DNAJC1: variants seen among roughly 807,000 people sequenced by gnomAD.
DNAJC1 encodes the protein dnaJ homolog subfamily C member 1.
Under a neutral mutation model 76.6 loss-of-function variants are expected in DNAJC1, and 58 were observed. The observed-to-expected ratio is 0.76, with a 90% CI of 0.61 to 0.94. The LOEUF is 0.94. DNAJC1 is among the 40% of genes least tolerant of loss of function. The pLI is 0.00. For missense variants in DNAJC1, 689 were observed against 677.3 expected (o/e 1.02, Z -0.19); for synonymous variants, 258 against 267.9 (o/e 0.96, Z 0.36).
At chr10:21,919,135 A>G (rs1457549041) in intron 5 of DNAJC1, among the ~76,000 whole-genome samples, 1 of 152,046 alleles carries the variant, frequency 6.6e-6, no homozygotes, top group African/African-American at 2.4e-5. Context: ...ATCAAGTTAC[A>G]AAGATAAACA....
chr10:21,876,696 C>A (rs979169994), intron 8 of DNAJC1, among the ~76,000 whole-genome samples: 6 of 152,042 alleles, frequency 3.9e-5, no homozygotes, highest in Non-Finnish European at 5.9e-5. Context: ...CAAGGATGAA[C>A]AAGTAGATAA....
At chr10:21,977,519 A>G (rs1254604582) in intron 1 of DNAJC1, among the ~76,000 whole-genome samples, 1 of 152,190 alleles carries the variant, frequency 6.6e-6, no homozygotes, top group African/African-American at 2.4e-5. Context: ...GTGTGGCTTA[A>G]AGAAGTACAG....
chr10:21,796,128 C>A lies in DNAJC1; in HGVS notation c.1098+9852G>T, dbSNP rs7908881. Among the ~76,000 whole-genome samples, 1,328 of 152,022 alleles carry A rather than the reference C, an allele frequency of 8.7e-3. 24 individuals carry two copies. Among genetic ancestry groups the A allele is most frequent in the African/African-American group, 0.03 (1,235 of 41,440 alleles). On this transcript the variant is annotated intron_variant, in intron 9 of 11. Transcript: ENST00000376980. ...AGGATTACAGGCATGCACCACCATA[C>A]CCAGCTAATTTTTGTATTTTTAGTA...
chr10:21,891,600 A>G (rs1310805946), intron 7 of DNAJC1, among the ~76,000 whole-genome samples: 1 of 152,174 alleles, frequency 6.6e-6, no homozygotes, highest in Non-Finnish European at 1.5e-5. Flanking sequence ...TAGAAGTACA[A>G]TTCAAATGAC....
At chr10:21,926,115 C>T (rs1342007086) in intron 3 of DNAJC1, among the ~76,000 whole-genome samples, 1 of 152,182 alleles carries the variant, frequency 6.6e-6, no homozygotes, top group Non-Finnish European at 1.5e-5. Flanking sequence ...CCACGCCAGG[C>T]TAACTTTTGT....
chr10:21,779,794 T>C (rs1182516890), intron 9 of DNAJC1, among the ~76,000 whole-genome samples: 1 of 151,972 alleles, frequency 6.6e-6, no homozygotes, highest in Non-Finnish European at 1.5e-5. Flanking sequence ...ATCAAACTTC[T>C]CCAAGCTAAA....
intron 8 of DNAJC1, among the ~76,000 whole-genome samples, chr10:21,875,644 A>T (rs923582232): frequency 3.3e-5 from 5 of 152,142 alleles, no homozygotes; most frequent in Non-Finnish European, 5.9e-5. Context: ...TTAAAAAATA[A>T]GCTAGGCGTG....
chr10:21,799,719 T>G (rs994413633), intron 9 of DNAJC1, among the ~76,000 whole-genome samples: 8 of 152,192 alleles, frequency 5.3e-5, no homozygotes, highest in Non-Finnish European at 1.0e-4. Context: ...TTAGTTCTCC[T>G]GATTCACCAT....
intron 9 of DNAJC1, among the ~76,000 whole-genome samples, chr10:21,794,266 CAAAAAAA>C (rs542182948): frequency 1.1e-4 from 6 of 53,578 alleles, no homozygotes; most frequent in Admixed American, 9.7e-4. Context: ...TTCCTATCTT[CAAAAAAA>C]AAAAAAAAAA....
intron 6 of DNAJC1, among the ~76,000 whole-genome samples, chr10:21,915,867 G>A (rs558853362): frequency 2.0e-5 from 3 of 151,236 alleles, no homozygotes; most frequent in African/African-American, 7.3e-5. Context: ...AAAAAGTCTG[G>A]CTTGGAGGTG....
At chr10:21,965,447 G>A (rs1473851861) in intron 1 of DNAJC1, among the ~76,000 whole-genome samples, 1 of 152,148 alleles carries the variant, frequency 6.6e-6, no homozygotes, top group East Asian at 1.9e-4. Context: ...TCTAACCAGA[G>A]TGACTCCATT....
chr10:21,943,012 C>G (rs940184701), intron 1 of DNAJC1, among the ~76,000 whole-genome samples: 3 of 151,672 alleles, frequency 2.0e-5, no homozygotes, highest in African/African-American at 7.3e-5. Flanking sequence ...TTAAACACCT[C>G]AGCAACTGAC....
chr10:21,965,866 G>A (rs1388418348), intron 1 of DNAJC1, among the ~76,000 whole-genome samples: 1 of 152,060 alleles, frequency 6.6e-6, no homozygotes, highest in East Asian at 1.9e-4. Flanking sequence ...CTGCAGACTC[G>A]CCCTGAATTC....
chr10:21,817,955 G>A (rs1012617225), intron 8 of DNAJC1, among the ~76,000 whole-genome samples: 5 of 152,056 alleles, frequency 3.3e-5, no homozygotes, highest in South Asian at 2.1e-4. Context: ...TGATGATTGC[G>A]TTAACTGCAC....
At chr10:21,999,894 C>G (rs1475092837) in intron 1 of DNAJC1, among the ~76,000 whole-genome samples, 1 of 152,158 alleles carries the variant, frequency 6.6e-6, no homozygotes, top group Admixed American at 6.5e-5. Context: ...TCCCAAATTC[C>G]TATCTACAGC....
intron 1 of DNAJC1, among the ~76,000 whole-genome samples, chr10:21,994,598 C>G (rs1042896471): frequency 6.6e-6 from 1 of 152,084 alleles, no homozygotes. Flanking sequence ...ACCATTCTGG[C>G]TAACACGGTG....
chr10:21,953,852 G>GAAAAAAAAAAAAAAAA (rs930719178), intron 1 of DNAJC1, among the ~76,000 whole-genome samples: 1 of 130,338 alleles, frequency 7.7e-6, no homozygotes. Flanking sequence ...AAAAGAAGAG[G>GAAAAAAAAAAAAAAAA]AAAAAAAAAA....
In DNAJC1 at chr10:21,759,447, G is replaced by A; in HGVS notation, c.1319C>T (p.Ala440Val). 3.7e-6 allele frequency: 6 copies of A among 1,614,120 alleles called. No individual in the cohort carries two copies. Among genetic ancestry groups the A allele is most frequent in the Non-Finnish European group, 5.1e-6 (6 of 1,180,042 alleles). ...SGEQETGATD[A>V]RPRRRKPARL... is the part of the protein sequence containing the mutation. Reference sequence around the variant, plus strand: ...GGCTGGCTTCCGCCTCCGAGGCCGGGCATCAGTGGCCCCGGTCTCCTGCTC... The same window carrying A: ...GGCTGGCTTCCGCCTCCGAGGCCGGACATCAGTGGCCCCGGTCTCCTGCTC... The change falls in exon 11 of 12, where the codon GCC (alanine) becomes GTC (valine). Residue 440 changes from alanine (A) to valine (V), a missense_variant. Physicochemically the swap from Ala to Val is moderately conservative, Grantham distance 64 (BLOSUM62 0). Transcript: ENST00000376980.
intron 1 of DNAJC1, 28 bp from the exon 2 acceptor site, chr10:21,929,169 A>G: frequency 2.0e-6 from 3 of 1,499,542 alleles, no homozygotes; most frequent in Non-Finnish European, 2.8e-6. Context: ...AGGGGAAAAT[A>G]CAAAGCAAAC....
Sources: gnomAD v4.1 joint callset for allele counts (sites outside exome capture counted in the v4.1 genomes callset) on GRCh38, gnomAD v4.1.1 for gene constraint, MANE v1.5 for transcripts, NCBI Gene and HGNC (gene_info 2026-07-23, HGNC 2026-07-21) for gene names.